The following NTPCR variants were observed in gnomAD, a reference collection of about 807,000 sequenced individuals.
NTPCR encodes cancer-related nucleoside-triphosphatase.
NTPCR carries 15 observed loss-of-function variants against 19.5 expected under a neutral mutation model. The ratio of observed to expected loss-of-function variants is 0.77; its 90% CI spans 0.51 to 1.18. NTPCR has a LOEUF of 1.18. Ranked by LOEUF, NTPCR falls within the 50% of genes most tolerant of loss-of-function variation. The probability of loss-of-function intolerance (pLI) is 0.00; values close to 1 mark genes in which losing one functional copy is unlikely to be tolerated. For missense variants in NTPCR, 206 were observed against 240.4 expected (o/e 0.86, Z 0.95); for synonymous variants, 90 against 95.8 (o/e 0.94, Z 0.36).
At chr1:232,959,826 G>C (rs1668618102) in intron 3 of NTPCR, among the ~76,000 whole-genome samples, 1 of 152,134 alleles carries the variant, frequency 6.6e-6, no homozygotes, top group African/African-American at 2.4e-5. Flanking sequence ...GTATGTGTGT[G>C]TGTGTGTTTT....
At chr1:232,968,959 G>A (rs566792984) in intron 3 of NTPCR, 1 of 152,338 alleles carries the variant, frequency 6.6e-6, no homozygotes, top group East Asian at 1.9e-4. Flanking sequence ...ATGTGTGTTA[G>A]TTATATGTTG....
rs1218089664 is a variant in NTPCR at position 232,978,746 on chromosome 1, C to A, written c.*515C>A. Reference sequence around the variant, plus strand: ...AACCATTTTAGGTCATCTCCCCCAACTCTGTTTGCTTACTGCTTAATAAAT... The same window carrying A: ...AACCATTTTAGGTCATCTCCCCCAAATCTGTTTGCTTACTGCTTAATAAAT... On this transcript the variant is annotated 3_prime_UTR_variant, in exon 5 of 5. Coordinates refer to ENST00000366628, the MANE Select transcript of NTPCR (RefSeq NM_032324.3). 6.6e-6 allele frequency: 1 copy of A among 152,524 alleles called. No homozygotes were observed. Among genetic ancestry groups the A allele is most frequent in the East Asian group, 1.9e-4 (1 of 5,208 alleles). 9.4% of individuals were successfully genotyped at this position (152,524 alleles called of 1,614,324 possible).
chr1:232,958,056 G>T (rs1017093322), intron 3 of NTPCR, among the ~76,000 whole-genome samples: 2 of 152,172 alleles, frequency 1.3e-5, no homozygotes, highest in African/African-American at 4.8e-5. Flanking sequence ...GGTAAGTTTG[G>T]TGAGGTGGGG....
intron 3 of NTPCR, chr1:232,966,679 G>A (rs1362932663): frequency 6.6e-6 from 1 of 152,154 alleles, no homozygotes; most frequent in African/African-American, 2.4e-5. Flanking sequence ...ATCCCTGGCT[G>A]GTCAATTTTA....
chr1:232,976,351 T>C (rs1314723335), intron 4 of NTPCR: 2 of 1,541,820 alleles, frequency 1.3e-6, no homozygotes, highest in Non-Finnish European at 8.7e-7. Flanking sequence ...GTCACCGTAC[T>C]GTGTCATAGA....
At chr1:232,970,213 A>C (rs1668938344) in intron 4 of NTPCR, 95 bp downstream of exon 4, 1 of 1,007,328 alleles carries the variant, frequency 9.9e-7, no homozygotes, top group African/African-American at 1.6e-5. Flanking sequence ...TTGAGTTAAC[A>C]TTTTTTCCCT....
chr1:232,952,039 T>C (rs1668379093), intron 1 of NTPCR, among the ~76,000 whole-genome samples: 1 of 152,180 alleles, frequency 6.6e-6, no homozygotes, highest in South Asian at 2.1e-4. Flanking sequence ...ACTCAAATAA[T>C]TCTACAGTGT....
chr1:232,977,450 C>T (rs2236218), intron 4 of NTPCR: 31,161 of 152,008 alleles, frequency 0.2, 3,236 homozygotes, highest in African/African-American at 0.22. Flanking sequence ...GTGATGGGAG[C>T]AGAGATGGCC....
intron 3 of NTPCR, among the ~76,000 whole-genome samples, chr1:232,957,569 T>G (rs1455975244): frequency 6.6e-6 from 1 of 152,234 alleles, no homozygotes; most frequent in Non-Finnish European, 1.5e-5. Context: ...AATCTTCTCT[T>G]TTTTCCTTGG....
At chr1:232,965,344 A>G (rs1399369543) in intron 3 of NTPCR, 2 of 152,332 alleles carry the variant, frequency 1.3e-5, no homozygotes, top group African/African-American at 4.8e-5. Flanking sequence ...GTTTGACTCC[A>G]GCTCTGTCAC....
chr1:232,973,232 A>G (rs1377447507), intron 4 of NTPCR, among the ~76,000 whole-genome samples: 2 of 152,194 alleles, frequency 1.3e-5, no homozygotes, highest in African/African-American at 4.8e-5. Context: ...GAATATGCAT[A>G]GTGTGAAGAT....
chr1:232,970,314 G>T (rs374546255), intron 4 of NTPCR, among the ~76,000 whole-genome samples, 196 bp downstream of exon 4: 7 of 152,170 alleles, frequency 4.6e-5, no homozygotes, highest in African/African-American at 1.7e-4. Context: ...ACTCGCTTAT[G>T]GGGGGGCCTC....
At chr1:232,951,790 G>T (rs1668372808) in intron 1 of NTPCR, among the ~76,000 whole-genome samples, 1 of 152,144 alleles carries the variant, frequency 6.6e-6, no homozygotes, top group African/African-American at 2.4e-5. Flanking sequence ...GTGAGGAGGA[G>T]GAGGGTGGTT....
chr1:232,952,089 C>G lies in NTPCR; in HGVS notation c.34+1345C>G, dbSNP rs113215556. Among the ~76,000 whole-genome samples the G allele has an allele frequency of 4.0e-3, 606 of 152,276 alleles. 5 individuals are homozygous for G. Among genetic ancestry groups the G allele is most frequent in the African/African-American group, 0.014 (578 of 41,538 alleles). ...TGTCCTCAAACCCACGCACCTTTGT[C>G]TTTTCTCCTTCTCTTCTTAATGTAG... On this transcript the variant is annotated intron_variant, in intron 1 of 4. Coordinates refer to ENST00000366628, the MANE Select transcript of NTPCR (RefSeq NM_032324.3).
intron 3 of NTPCR, 194 bp from the exon 4 acceptor site, chr1:232,969,715 C>T: frequency 1.9e-6 from 1 of 526,124 alleles, no homozygotes; most frequent in Non-Finnish European, 3.4e-6. Flanking sequence ...ATTCCCAGCT[C>T]CTGGGACTCA....
At chr1:232,972,244 T>C (rs1390290950) in intron 4 of NTPCR, among the ~76,000 whole-genome samples, 3 of 152,204 alleles carry the variant, frequency 2.0e-5, no homozygotes, top group Non-Finnish European at 4.4e-5. Context: ...CCCTGTTTTT[T>C]TTTGTTGTTG....
At chr1:232,969,619 A>G (rs1477994817) in intron 3 of NTPCR, 7 of 306,720 alleles carry the variant, frequency 2.3e-5, no homozygotes, top group African/African-American at 1.3e-4. Context: ...TCTCTTTCTC[A>G]TGACTTTATT....
At chr1:232,962,591 C>T (rs1020454689) in intron 3 of NTPCR, 6 of 152,164 alleles carry the variant, frequency 3.9e-5, no homozygotes, top group African/African-American at 1.4e-4. Flanking sequence ...CTCCTACTCA[C>T]ACAAAATGGA....
At chr1:232,955,435 A>C (rs901697719) in intron 1 of NTPCR, 122 bp from the exon 2 acceptor site, 2 of 682,466 alleles carry the variant, frequency 2.9e-6, no homozygotes, top group Non-Finnish European at 4.5e-6. Context: ...AAATCCATTT[A>C]CAGCCCATTT....
Sources: gnomAD v4.1 joint callset for allele counts (sites outside exome capture counted in the v4.1 genomes callset) on GRCh38, gnomAD v4.1.1 for gene constraint, MANE v1.5 for transcripts, NCBI Gene and HGNC (gene_info 2026-07-23, HGNC 2026-07-21) for gene names.